FRMD3: variants seen among roughly 807,000 people sequenced by gnomAD.
FRMD3 encodes FERM domain-containing protein 3.
A neutral mutation model predicts 70.2 loss-of-function variants in FRMD3; 33 were observed. The observed-to-expected ratio is 0.47, with a 90% CI of 0.36 to 0.63. The LOEUF (loss-of-function observed/expected upper bound fraction) is 0.63. Among genes scored for constraint, FRMD3 ranks in the 20% least tolerant of loss-of-function variants. FRMD3 has a pLI of 0.00. For missense variants in FRMD3, 632 were observed against 711.4 expected (o/e 0.89, Z 1.27); for synonymous variants, 279 against 255.9 (o/e 1.09, Z -0.86).
chr9:83,476,926 T>C (rs1334609883), intron 1 of FRMD3, among the ~76,000 whole-genome samples: 2 of 152,220 alleles, frequency 1.3e-5, no homozygotes, highest in African/African-American at 4.8e-5. Context: ...TCTCCTAGAT[T>C]TTATGATCCT....
chr9:83,349,865 G>A, intron 3 of FRMD3, 108 bp from the exon 4 acceptor site: 1 of 707,320 alleles, frequency 1.4e-6, no homozygotes. Flanking sequence ...TGGGGAGTGG[G>A]GGCCAGGAGG....
At chr9:83,372,168 A>G (rs79952986) in intron 3 of FRMD3, among the ~76,000 whole-genome samples, 1 of 152,136 alleles carries the variant, frequency 6.6e-6, no homozygotes, top group African/African-American at 2.4e-5. Flanking sequence ...GGTGCATTTC[A>G]GAAGTTCTCC....
chr9:83,439,742 T>C (rs973056244), intron 1 of FRMD3, among the ~76,000 whole-genome samples: 2 of 152,354 alleles, frequency 1.3e-5, no homozygotes, highest in Middle Eastern at 6.8e-3. Flanking sequence ...CAAAGAGCTA[T>C]GTGCCTTGCC....
chr9:83,272,912 C>G (rs2118827779), intron 13 of FRMD3, among the ~76,000 whole-genome samples: 1 of 150,720 alleles, frequency 6.6e-6, no homozygotes, highest in Non-Finnish European at 1.5e-5. Flanking sequence ...GGCAGCCGCC[C>G]CGTCTGAGAA....
Position 83,248,409 on chromosome 9 carries a change from T to C in FRMD3, c.1303A>G (p.Ile435Val). The C allele has an allele frequency of 6.2e-7, 1 of 1,614,178 alleles. No homozygotes were observed. Among genetic ancestry groups the C allele is most frequent in the East Asian group, 2.2e-5 (1 of 44,878 alleles). The change falls in exon 14 of 14, where the codon ATA (isoleucine) becomes GTA (valine). Residue 435 changes from isoleucine to valine, a missense_variant. This residue lies in a region of FRMD3 where 418 missense variants were observed against 442.1 expected (regional missense o/e 0.95). Transcript: ENST00000304195. ...GAGATGGTTAAAGGTTCTTCTTTTA[T>C]TTTATCTTCCTCTTCACTAGGGGGA... ...EDPPSEEEDK[I>V]KEEPLTISEL...
At chr9:83,418,288 T>C (rs1826516635) in intron 1 of FRMD3, among the ~76,000 whole-genome samples, 1 of 152,030 alleles carries the variant, frequency 6.6e-6, no homozygotes, top group African/African-American at 2.4e-5. Context: ...GGGACCTAGT[T>C]AAACTAAAAA....
chr9:83,260,788 G>T (rs1431239817), intron 13 of FRMD3, among the ~76,000 whole-genome samples: 2 of 152,064 alleles, frequency 1.3e-5, no homozygotes, highest in African/African-American at 4.8e-5. Context: ...TAAGCAGCAT[G>T]CAGACTTCTA....
chr9:83,446,407 G>A (rs1429575108), intron 1 of FRMD3, among the ~76,000 whole-genome samples: 1 of 152,132 alleles, frequency 6.6e-6, no homozygotes, highest in Non-Finnish European at 1.5e-5. Context: ...CAGCACTTTC[G>A]GAGGCCGAGG....
chr9:83,279,844 T>C (rs1456716730), intron 13 of FRMD3, among the ~76,000 whole-genome samples: 2 of 151,896 alleles, frequency 1.3e-5, no homozygotes, highest in East Asian at 1.9e-4. Context: ...AGCTAATGTA[T>C]GTAGGGCTTA....
chr9:83,521,767 T>A (rs1047657007), intron 1 of FRMD3, among the ~76,000 whole-genome samples: 1 of 152,230 alleles, frequency 6.6e-6, no homozygotes, highest in Non-Finnish European at 1.5e-5. Flanking sequence ...GAACTCTTTC[T>A]TGATTTAGAA....
Position 83,528,612 on chromosome 9 carries a change from C to A in FRMD3, c.147+9473G>T, listed in dbSNP as rs1047849367. The stretch of plus-strand genomic sequence containing the variant: ...TGGCACAGTCACAGCTCACTGCAGC[C>A]TCCATCTCCCTAGCTTAAGCAATCC... On this transcript the variant is annotated intron_variant, in intron 1 of 13. Coordinates refer to ENST00000304195, the MANE Select transcript of FRMD3 (RefSeq NM_174938.6). Among the ~76,000 whole-genome samples the A allele has an allele frequency of 6.6e-5, 10 of 152,208 alleles. 2 individuals are homozygous for A. The South Asian group carries it at 1.7e-3, about 25-fold the overall frequency.
intron 8 of FRMD3, among the ~76,000 whole-genome samples, chr9:83,311,421 G>A (rs1160189414): frequency 1.3e-5 from 2 of 152,162 alleles, no homozygotes; most frequent in East Asian, 3.9e-4. Flanking sequence ...AAGCCATCAT[G>A]AGTAGACATT....
At chr9:83,296,788 C>G (rs1834682116) in intron 12 of FRMD3, among the ~76,000 whole-genome samples, 1 of 152,168 alleles carries the variant, frequency 6.6e-6, no homozygotes, top group African/African-American at 2.4e-5. Flanking sequence ...GTTCAGTCTA[C>G]TCCAAGAAAA....
chr9:83,337,470 G>C (rs554685026), intron 5 of FRMD3, among the ~76,000 whole-genome samples: 3 of 152,140 alleles, frequency 2.0e-5, no homozygotes, highest in Non-Finnish European at 4.4e-5. Flanking sequence ...AGCATGGAGG[G>C]GCAAAGGTGA....
intron 1 of FRMD3, among the ~76,000 whole-genome samples, chr9:83,465,688 G>T (rs960489389): frequency 6.6e-6 from 1 of 152,050 alleles, no homozygotes; most frequent in African/African-American, 2.4e-5. Flanking sequence ...CTAACAGTGG[G>T]ACCGGTATAC....
At chr9:83,555,063 C>A in the FRMD3 span, among the ~76,000 whole-genome samples, 53 of 152,152 alleles carry the variant, frequency 3.5e-4, no homozygotes, top group Non-Finnish European at 6.6e-4. Flanking sequence ...TGGCTGCAGA[C>A]CCCAGTTAAG....
In FRMD3 at chr9:83,503,933, A is replaced by G. The variant is rs562635045; in HGVS notation, c.147+34152T>C. On this transcript the variant is annotated intron_variant, in intron 1 of 13. Transcript: ENST00000304195. ...AGGTCCTGTGTGATTAACACTAGCT[A>G]GAACTCTCCTGCAACTCAGGGGAAC... is the stretch of plus-strand genomic sequence containing the variant. Among the ~76,000 whole-genome samples, 3 of 152,328 alleles carry G rather than the reference A, an allele frequency of 2.0e-5. No homozygotes were observed. The East Asian group carries it at 5.8e-4, about 29-fold the overall frequency.
chr9:83,514,343 C>T (rs997607936), intron 1 of FRMD3, among the ~76,000 whole-genome samples: 4 of 152,164 alleles, frequency 2.6e-5, no homozygotes, highest in African/African-American at 9.7e-5. Context: ...AACAAAGCTG[C>T]TAGGAAGTTT....
intron 1 of FRMD3, among the ~76,000 whole-genome samples, chr9:83,401,285 GA>G (rs1356474509): frequency 1.3e-5 from 2 of 152,200 alleles, no homozygotes; most frequent in East Asian, 1.9e-4. Flanking sequence ...AGTCCAGAAA[GA>G]AAAGACTAGA....
Sources: gnomAD v4.1 joint callset for allele counts (sites outside exome capture counted in the v4.1 genomes callset) on GRCh38, gnomAD v4.1.1 for gene constraint, gnomAD v4.1.1 regional missense constraint, MANE v1.5 for transcripts, NCBI Gene and HGNC (gene_info 2026-07-23, HGNC 2026-07-21) for gene names.